The following SLC29A4 variants were observed in gnomAD, a reference collection of about 807,000 sequenced individuals.
The protein encoded by SLC29A4 is solute carrier family 29 member 4, also known as equilibrative nucleoside transporter 4.
A neutral mutation model predicts 43.9 loss-of-function variants in SLC29A4; 36 were observed. The observed-to-expected ratio is 0.82, with a 90% CI of 0.63 to 1.08. The LOEUF is 1.08. SLC29A4 is among the 50% of genes least tolerant of loss of function. The probability of loss-of-function intolerance (pLI) is 0.00; values close to 1 mark genes in which losing one functional copy is unlikely to be tolerated. For synonymous variants in SLC29A4, 491 were observed against 338.0 expected (o/e 1.45, Z -4.97); for missense variants, 869 against 755.3 (o/e 1.15, Z -1.77).
chr7:5,286,611 G>T (rs1158632015), intron 1 of SLC29A4, among the ~76,000 whole-genome samples: 1 of 152,120 alleles, frequency 6.6e-6, no homozygotes, highest in Non-Finnish European at 1.5e-5. Context: ...CACAGTGCAA[G>T]CGTCTCCATC....
Position 5,299,429 on chromosome 7 carries a change from T to C in SLC29A4, c.1209+2T>C. On this transcript the variant is annotated splice_donor_variant, in intron 9 of 10. Transcript: ENST00000396872. LOFTEE classifies it high-confidence loss of function. ...AACCTGTCAGACTTCGTGGGCAAGG[T>C]GGGCTGCCTGCCCTGCCCGGTGTCG... 1 of 1,608,888 alleles carries C rather than the reference T, an allele frequency of 6.2e-7. No individual in the cohort carries two copies. The highest frequency in any genetic ancestry group is 8.5e-7 in the Non-Finnish European group (1 of 1,177,852).
At chr7:5,294,831 C>G in intron 5 of SLC29A4, 29 bp from the exon 6 acceptor site, 1 of 1,566,652 alleles carries the variant, frequency 6.4e-7, no homozygotes, top group Non-Finnish European at 8.6e-7. Flanking sequence ...AATGGTGCCT[C>G]TGGGTTGTTC....
intron 3 of SLC29A4, 62 bp downstream of exon 3, chr7:5,290,925 C>T (rs907034992): frequency 5.1e-6 from 8 of 1,564,184 alleles, no homozygotes; most frequent in South Asian, 2.4e-5. Flanking sequence ...TGGGGCCTCC[C>T]AGAAACCCCC....
rs1285476371 is a variant in SLC29A4 at position 5,302,985 on chromosome 7, C to T, written c.*46C>T. ...GGGACGCCGAGGGCCTGACCAGGGG[C>T]CCCGAGGCCTGAGGGCCCCTCCCCT... On this transcript the variant is annotated 3_prime_UTR_variant, in exon 11 of 11. Transcript: ENST00000396872. 1 of 1,575,292 alleles carries T rather than the reference C, an allele frequency of 6.3e-7. No individual in the cohort carries two copies. The highest frequency in any genetic ancestry group is 1.8e-5 in the Admixed American group (1 of 54,358).
chr7:5,288,079 G>A, intron 2 of SLC29A4, 94 bp downstream of exon 2: 1 of 1,446,926 alleles, frequency 6.9e-7, no homozygotes, highest in Non-Finnish European at 9.2e-7. Flanking sequence ...GGGAGCCATG[G>A]GTGGTCATGG....
chr7:5,283,360 G>T (rs986000955), intron 1 of SLC29A4, among the ~76,000 whole-genome samples: 1 of 137,922 alleles, frequency 7.3e-6, no homozygotes, highest in Admixed American at 7.4e-5. Context: ...GGGTCCTCCC[G>T]CACGAAGTTC....
chr7:5,288,298 C>CTTTTTTTTTTTTTTTTTTTTTT (rs34436127), intron 2 of SLC29A4, among the ~76,000 whole-genome samples: 1 of 68,756 alleles, frequency 1.5e-5, no homozygotes, highest in Non-Finnish European at 2.6e-5. Context: ...CGTACAGCTT[C>CTTTTTTTTTTTTTTTTTTTTTT]TTTTTTTTTT....
chr7:5,290,949 C>T (rs893095613), intron 3 of SLC29A4, 86 bp downstream of exon 3: 12 of 1,552,158 alleles, frequency 7.7e-6, no homozygotes, highest in Non-Finnish European at 1.0e-5. Context: ...GGGGAGGGTC[C>T]TACACGGGGA....
rs1238864848 is a variant in SLC29A4 at position 5,304,276 on chromosome 7, G to C, written c.*1337G>C. The C allele has an allele frequency of 6.6e-6, 1 of 152,312 alleles. No homozygotes were observed. Among genetic ancestry groups the C allele is most frequent in the African/African-American group, 2.4e-5 (1 of 41,378 alleles). 9.4% of individuals were successfully genotyped at this position (152,312 alleles called of 1,614,324 possible). A position where few individuals can be genotyped will look rare whatever the true frequency, so the allele number is the denominator to read the frequency against. ...TGGGGTGAGAGCTGGGAGCACTTAG[G>C]GTTTGTCGCTCACCTTGACCGCCCG... On this transcript the variant is annotated 3_prime_UTR_variant, in exon 11 of 11. Coordinates refer to ENST00000396872, the MANE Select transcript of SLC29A4 (RefSeq NM_153247.4).
chr7:5,298,277 G>C (rs1413593343), intron 7 of SLC29A4, among the ~76,000 whole-genome samples: 3 of 152,176 alleles, frequency 2.0e-5, no homozygotes, highest in African/African-American at 4.8e-5. Flanking sequence ...TCATGGTCAG[G>C]GAAGTTCCCT....
chr7:5,290,198 C>T (rs56243136), intron 2 of SLC29A4, among the ~76,000 whole-genome samples: 23,034 of 152,114 alleles, frequency 0.15, 2,247 homozygotes, highest in Middle Eastern at 0.27. Context: ...GGACTACAGG[C>T]GCCCACTACC....
chr7:5,291,162 T>G lies in SLC29A4; in HGVS notation c.340T>G (p.Leu114Val). Residue 114 changes from leucine to valine, a missense_variant, in exon 4 of 11, where the codon TTG becomes GTG. By Grantham distance (32) the Leu-to-Val change is conservative. Transcript: ENST00000396872. ...IVFDMSLTYILVALAAVLLNN... is the reference protein window; with the variant it reads ...IVFDMSLTYIVVALAAVLLNN... ...GTTTGACATGAGCCTCACCTACATC[T>G]TGGTGGCACTGGCAGCTGTCCTCCT... The G allele has an allele frequency of 6.2e-7, 1 of 1,613,896 alleles. No individual in the cohort carries two copies. Among genetic ancestry groups the G allele is most frequent in the Non-Finnish European group, 8.5e-7 (1 of 1,179,996 alleles).
At chr7:5,291,483 C>A (rs1015800678) in intron 4 of SLC29A4, among the ~76,000 whole-genome samples, 1 of 152,246 alleles carries the variant, frequency 6.6e-6, no homozygotes, top group Non-Finnish European at 1.5e-5. Context: ...TTCCTCTGCA[C>A]GGCAACATCC....
intron 10 of SLC29A4, among the ~76,000 whole-genome samples, chr7:5,301,185 G>T (rs932639057): frequency 6.6e-6 from 1 of 151,546 alleles, no homozygotes; most frequent in African/African-American, 2.4e-5. Context: ...GATCACTTGA[G>T]CCCAGGAGTT....
At chr7:5,291,979 C>T (rs953837231) in intron 5 of SLC29A4, among the ~76,000 whole-genome samples, 158 bp downstream of exon 5, 3 of 152,234 alleles carry the variant, frequency 2.0e-5, no homozygotes, top group Admixed American at 2.0e-4. Context: ...CACACCGGCT[C>T]ACACCCACAG....
At chr7:5,287,543 A>G (rs748876333) in intron 1 of SLC29A4, among the ~76,000 whole-genome samples, 3 of 152,238 alleles carry the variant, frequency 2.0e-5, no homozygotes, top group Non-Finnish European at 4.4e-5. Context: ...CATGGCATCA[A>G]TGTGGTGAAA....
At chr7:5,287,003 C>A (rs1476590489) in intron 1 of SLC29A4, among the ~76,000 whole-genome samples, 1 of 152,250 alleles carries the variant, frequency 6.6e-6, no homozygotes, top group African/African-American at 2.4e-5. Flanking sequence ...CTATTTCTCA[C>A]CGTGCCCACT....
At position 5,287,860 on chromosome 7, in the gene SLC29A4, C is replaced by G. The variant is rs1286988495; in HGVS notation, c.44C>G (p.Ala15Gly). 3.1e-6 allele frequency: 5 copies of G among 1,611,982 alleles called. No homozygotes were observed. Among genetic ancestry groups the G allele is most frequent in the Non-Finnish European group, 4.2e-6 (5 of 1,179,832 alleles). Residue 15 changes from alanine to glycine, a missense_variant, in exon 2 of 11, where the codon GCA becomes GGA. Ala to Gly is a moderately conservative substitution (Grantham distance 60, BLOSUM62 0). Transcript: ENST00000396872. ...CAGCGCCTTGAGGAGCCCAGCGTGG[C>G]AGGCACACCAGACCCGGGCGTAGTG... The part of the protein sequence containing the change: ...GSQRLEEPSV[A>G]GTPDPGVVMS...
intron 2 of SLC29A4, among the ~76,000 whole-genome samples, chr7:5,289,274 G>A (rs1785160631): frequency 1.3e-5 from 2 of 152,062 alleles, no homozygotes; most frequent in Non-Finnish European, 2.9e-5. Context: ...GCACACGCCT[G>A]TAATCCCAGC....
Sources: allele counts gnomAD v4.1 joint callset (sites outside exome capture counted in the v4.1 genomes callset), GRCh38; gene constraint gnomAD v4.1.1; transcripts MANE v1.5; gene names NCBI Gene and HGNC (gene_info 2026-07-23, HGNC 2026-07-21).